The following ZNF615 variants were observed in gnomAD, a reference collection of about 807,000 sequenced individuals.
The protein encoded by ZNF615 is zinc finger protein 615.
A neutral mutation model predicts 15.3 loss-of-function variants in ZNF615; 15 were observed. The observed-to-expected ratio is 0.98, with a 90% confidence interval of 0.66 to 1.51. ZNF615 has a LOEUF of 1.51. Among genes scored for constraint, ZNF615 ranks in the 40% most tolerant of loss-of-function variants. The pLI is 0.00. For synonymous variants in ZNF615, 268 were observed against 294.6 expected (o/e 0.91, Z 0.92); for missense variants, 848 against 895.9 (o/e 0.95, Z 0.68).
chr19:51,996,468 G>A (rs74608636), intron 6 of ZNF615, among the ~76,000 whole-genome samples: 1 of 150,508 alleles, frequency 6.6e-6, no homozygotes, highest in Non-Finnish European at 1.5e-5. Flanking sequence ...ATGAAAATAG[G>A]AATATTACTA....
chr19:52,001,662 T>C, intron 5 of ZNF615, 151 bp downstream of exon 5: 1 of 576,184 alleles, frequency 1.7e-6, no homozygotes, highest in South Asian at 2.1e-5. Flanking sequence ...ATATTTTCCA[T>C]ACTATAACAA....
chr19:51,998,487 C>T (rs1285719029), intron 6 of ZNF615, among the ~76,000 whole-genome samples: 1 of 152,204 alleles, frequency 6.6e-6, no homozygotes, highest in African/African-American at 2.4e-5. Context: ...CTTTAACTTT[C>T]CTTATAGCAA....
chr19:51,994,885 T>G, intron 6 of ZNF615, 48 bp from the exon 7 acceptor site: 1 of 1,469,016 alleles, frequency 6.8e-7, no homozygotes, highest in Non-Finnish European at 9.0e-7. Context: ...TGTTTTGAAA[T>G]AAACTATTTA....
In ZNF615 at chr19:51,992,929, G is replaced by T. The variant is rs777401571; in HGVS notation, c.2180C>A (p.Ala727Asp). The change falls in exon 7 of 7, where the codon GCT (alanine) becomes GAT (aspartate). Residue 727 changes from alanine to aspartate, a missense_variant. Transcript: ENST00000598071. ...AACAAGGATAGACAAGTGCGCAAAA[G>T]CTTTCCCACAATCACTACATCCATA... The part of the protein sequence containing the change: ...RPYGCSDCGK[A>D]FAHLSILVKH... 3 of 1,614,170 alleles carry T rather than the reference G, an allele frequency of 1.9e-6. No individual in the cohort carries two copies. In the Admixed American group the frequency reaches 5.0e-5, roughly 27 times the overall value.
chr19:51,994,918 G>A (rs2086374484), intron 6 of ZNF615, 81 bp from the exon 7 acceptor site: 2 of 1,305,352 alleles, frequency 1.5e-6, no homozygotes, highest in South Asian at 3.6e-5. Flanking sequence ...AAACTGCCTT[G>A]GTGTGAGGTG....
chr19:51,998,649 C>G (rs952895948), intron 6 of ZNF615, among the ~76,000 whole-genome samples: 2 of 152,116 alleles, frequency 1.3e-5, no homozygotes, highest in Non-Finnish European at 2.9e-5. Context: ...AGTAGGCTAT[C>G]AAAACACAAG....
In ZNF615 at chr19:51,994,297, T is replaced by C. The variant is rs374686350; in HGVS notation, c.812A>G (p.Tyr271Cys). 8 of 1,614,100 alleles carry C rather than the reference T, an allele frequency of 5.0e-6. No homozygotes were observed. The African/African-American group carries it at 9.3e-5, about 19-fold the overall frequency. The change falls in exon 7 of 7, where the codon TAT becomes TGT. Residue 271 changes from tyrosine (Y) to cysteine (C), a missense_variant. Tyr to Cys is a radical substitution (Grantham distance 194, BLOSUM62 -2). Coordinates refer to ENST00000598071, the MANE Select transcript of ZNF615 (RefSeq NM_001199324.2). ...GGTTTTGTCACATTCAGTGCATTCA[T>C]AATGTTTCAGTTCTGTATGAGTTCT... is the stretch of plus-strand genomic sequence containing the variant. The part of the protein sequence containing the change: ...HQRTHTELKH[Y>C]ECTECDKTFL...
In ZNF615 at chr19:51,993,263, A is replaced by G. The variant is rs1326967538; in HGVS notation, c.1846T>C (p.Phe616Leu). ...ATACTGAGAGTACTCTTCATGGTGAAGCCCTTTCCACATTCATTGCATATA... is the reference window on the plus strand; with the variant it reads ...ATACTGAGAGTACTCTTCATGGTGAGGCCCTTTCCACATTCATTGCATATA... ...PYICNECGKG[F>L]TMKSTLSIHQ... The change falls in exon 7 of 7, where the codon TTC becomes CTC. Residue 616 changes from phenylalanine (F) to leucine (L), a missense_variant. Phe to Leu is a conservative substitution (Grantham distance 22, BLOSUM62 0). Coordinates refer to ENST00000598071, the MANE Select transcript of ZNF615 (RefSeq NM_001199324.2). The G allele has an allele frequency of 1.2e-6, 2 of 1,614,150 alleles. No homozygotes were observed. The highest frequency in any genetic ancestry group is 1.3e-5 in the African/African-American group (1 of 75,022).
intron 2 of ZNF615, 112 bp from the exon 3 acceptor site, chr19:52,004,012 T>TTAAA (rs1208168159): frequency 2.3e-5 from 15 of 656,558 alleles, no homozygotes; most frequent in Non-Finnish European, 3.1e-5. Context: ...GTTCTTTTAT[T>TTAAA]TAGTGCTCCA....
intron 6 of ZNF615, among the ~76,000 whole-genome samples, chr19:51,998,664 G>T (rs1428645573): frequency 6.6e-6 from 1 of 151,948 alleles, no homozygotes; most frequent in Non-Finnish European, 1.5e-5. Flanking sequence ...CACAAGTTTT[G>T]GGTGTGTGGT....
At chr19:51,995,648 A>G (rs1396938443) in intron 6 of ZNF615, among the ~76,000 whole-genome samples, 3 of 148,422 alleles carry the variant, frequency 2.0e-5, no homozygotes, top group Admixed American at 6.8e-5. Flanking sequence ...ACTTGCAACT[A>G]TAACCTCTCC....
rs200385023 is a variant in ZNF615 at position 51,993,966 on chromosome 19, T to C, written c.1143A>G (p.Lys381=). ...TAHHRTHTGE[K]PFICNKCGKG... is the part of the protein sequence containing the mutation. Reference sequence around the variant, plus strand: ...TCCCACATTTATTGCATATAAAGGGTTTCTCACCAGTATGAGTTCGATGAT... The same window carrying C: ...TCCCACATTTATTGCATATAAAGGGCTTCTCACCAGTATGAGTTCGATGAT... The change falls in exon 7 of 7, where the codon AAA becomes AAG. Residue 381 remains lysine, a synonymous_variant. Transcript: ENST00000598071. 5.6e-6 allele frequency: 9 copies of C among 1,612,270 alleles called. No homozygotes were observed. In the African/African-American group the frequency reaches 1.1e-4, roughly 19 times the overall value.
chr19:51,994,839 T>C lies in ZNF615; in HGVS notation c.272-2A>G. The C allele has an allele frequency of 6.3e-7, 1 of 1,575,620 alleles. No homozygotes were observed. ...GAGGATCATCAATTTTCCTGATTTC[T>C]AGGAAAGAAGAGAACAGTCAATCAC... On this transcript the variant is annotated splice_acceptor_variant, in intron 6 of 6. Transcript: ENST00000598071. LOFTEE classifies it high-confidence loss of function.
In ZNF615 at chr19:52,000,351, TATGCACCTCCTG is replaced by T. The variant is rs1348001151; in HGVS notation, c.254_265del (p.Ser85_Ala88del). ...AATATATCCATGAGACAAACCTGCA[TATGCACCTCCTG>T]ATGCACCTCCTGAATCTAAAATAAA... On this transcript the variant is annotated inframe_deletion, in exon 6 of 7. Transcript: ENST00000598071. 5 of 632,164 alleles carry T rather than the reference TATGCACCTCCTG, an allele frequency of 7.9e-6. No homozygotes were observed. The highest frequency in any genetic ancestry group is 1.9e-5 in the South Asian group (1 of 53,498). 39.2% of individuals were successfully genotyped at this position (632,164 alleles called of 1,614,324 possible).
At chr19:51,998,775 C>A (rs986047059) in intron 6 of ZNF615, among the ~76,000 whole-genome samples, 2 of 152,152 alleles carry the variant, frequency 1.3e-5, no homozygotes, top group Non-Finnish European at 2.9e-5. Flanking sequence ...CCACCTCAGC[C>A]TCCTGAGTAG....
At chr19:52,003,588 G>C in intron 3 of ZNF615, 109 bp downstream of exon 3, 4 of 998,538 alleles carry the variant, frequency 4.0e-6, no homozygotes, top group Non-Finnish European at 6.1e-6. Context: ...GATTTCTCCA[G>C]GTCCTGATAT....
At chr19:51,998,108 A>G (rs1270387159) in intron 6 of ZNF615, among the ~76,000 whole-genome samples, 2 of 152,188 alleles carry the variant, frequency 1.3e-5, no homozygotes, top group African/African-American at 4.8e-5. Flanking sequence ...TAGTTATATC[A>G]TGTCACTTCT....
At position 51,994,096 on chromosome 19, in the gene ZNF615, G is replaced by A. The variant is rs749935108; in HGVS notation, c.1013C>T (p.Thr338Ile). 2.1e-5 allele frequency: 34 copies of A among 1,613,610 alleles called. No homozygotes were observed. In the South Asian group the frequency reaches 3.5e-4, roughly 17 times the overall value. ...CTGATGTGTAGTGAGACTGAACTTTGTAGAGAAGGCCTTCCCACATACACT... is the reference window on the plus strand; with the variant it reads ...CTGATGTGTAGTGAGACTGAACTTTATAGAGAAGGCCTTCCCACATACACT... The part of the protein sequence containing the change: ...GCSVCGKAFS[T>I]KFSLTTHQKT... Residue 338 changes from threonine to isoleucine, a missense_variant, in exon 7 of 7, where the codon ACA becomes ATA. Transcript: ENST00000598071.
chr19:52,003,018 G>A (rs1275639466), intron 3 of ZNF615, among the ~76,000 whole-genome samples: 8 of 151,972 alleles, frequency 5.3e-5, no homozygotes, highest in Admixed American at 2.0e-4. Flanking sequence ...GTAGAGATGA[G>A]GTTTCACCAC....
Sources: gnomAD v4.1 joint callset for allele counts (sites outside exome capture counted in the v4.1 genomes callset) on GRCh38, gnomAD v4.1.1 for gene constraint, MANE v1.5 for transcripts, NCBI Gene and HGNC (gene_info 2026-07-23, HGNC 2026-07-21) for gene names.